Variants in AATK observed in about 807,000 individuals in gnomAD.
AATK encodes lemur tail kinase 1, also known as serine/threonine-protein kinase LMTK1.
Under a neutral mutation model 114.3 loss-of-function variants are expected in AATK, and 91 were observed. That is an observed-to-expected ratio of 0.80 (90% confidence interval 0.67 to 0.95). The LOEUF (loss-of-function observed/expected upper bound fraction) is 0.95. Among genes scored for constraint, AATK ranks in the 40% least tolerant of loss-of-function variants. The probability of loss-of-function intolerance (pLI) is 0.00; values close to 1 mark genes in which losing one functional copy is unlikely to be tolerated. For missense variants in AATK, 2,176 were observed against 1,965.2 expected, an observed-to-expected ratio of 1.11 and a Z score of -2.03; for synonymous variants, 1,075 against 916.5, an observed-to-expected ratio of 1.17 and a Z score of -3.12.
intron 1 of AATK, among the ~76,000 whole-genome samples, chr17:81,148,181 G>A (rs541920603): frequency 4.6e-5 from 7 of 152,020 alleles, no homozygotes; most frequent in Admixed American, 2.6e-4. Flanking sequence ...GTACTTGCAC[G>A]TTTTCTACAA....
Position 81,122,494 on chromosome 17 carries a change from C to T in AATK, c.1442G>A (p.Trp481Ter). 1 of 1,467,592 alleles carries T rather than the reference C, an allele frequency of 6.8e-7. No homozygotes were observed. Among genetic ancestry groups the T allele is most frequent in the Non-Finnish European group, 9.1e-7 (1 of 1,104,952 alleles). 90.9% of individuals were successfully genotyped at this position (1,467,592 alleles called of 1,614,324 possible). Residue 481 changes from tryptophan to a stop codon, truncating the protein, a stop_gained, in exon 11 of 14, where the codon TGG (tryptophan) becomes TAG (stop). Coordinates refer to ENST00000326724, the MANE Select transcript of AATK (RefSeq NM_001080395.3). LOFTEE classifies it high-confidence loss of function. ...GGCCTCCGCGCCGCGGCCCGCCTCC[C>T]ACTTGTACTCAAAATTGAGGCCTCG... ...TSRGLNFEYK[W>*]EAGRGAEAFP...
chr17:81,164,695 T>A (rs1319412579), intron 1 of AATK, among the ~76,000 whole-genome samples: 1 of 152,126 alleles, frequency 6.6e-6, no homozygotes, highest in Non-Finnish European at 1.5e-5. Context: ...CATGGAGATG[T>A]GATGAGGACC....
chr17:81,142,867 T>G (rs991093487), intron 1 of AATK, among the ~76,000 whole-genome samples: 1 of 149,888 alleles, frequency 6.7e-6, no homozygotes, highest in Non-Finnish European at 1.5e-5. Context: ...GGACGCATCA[T>G]CGGCGTGACC....
intron 2 of AATK, among the ~76,000 whole-genome samples, chr17:81,132,470 G>A (rs960207509): frequency 2.0e-5 from 3 of 152,234 alleles, no homozygotes; most frequent in Admixed American, 6.5e-5. Context: ...GCCACTCAGG[G>A]ATGGGGGACG....
At chr17:81,165,859 G>C in intron 1 of AATK, 79 bp downstream of exon 1, 1 of 1,533,440 alleles carries the variant, frequency 6.5e-7, no homozygotes, top group South Asian at 1.2e-5. Flanking sequence ...CATGCAAACC[G>C]GGAGCCGTGG....
At chr17:81,120,144 C>G in intron 11 of AATK, 57 bp downstream of exon 11, 1 of 1,512,612 alleles carries the variant, frequency 6.6e-7, no homozygotes, top group Non-Finnish European at 8.9e-7. Flanking sequence ...GCTCCCACCC[C>G]TTCCTGCGGG....
At chr17:81,132,853 G>A (rs923689995) in intron 2 of AATK, 9 of 238,896 alleles carry the variant, frequency 3.8e-5, no homozygotes, top group East Asian at 1.5e-4. Context: ...GGAATGTTCC[G>A]GGCACCATGT....
chr17:81,147,312 G>C (rs1202068209), intron 1 of AATK, among the ~76,000 whole-genome samples: 1 of 143,702 alleles, frequency 7.0e-6, no homozygotes, highest in Non-Finnish European at 1.5e-5. Context: ...AGTGAGCTGA[G>C]ATCTCACCAC....
chr17:81,119,189 TGAGGGCCAGGC>T lies in AATK; in HGVS notation c.4084+180_4084+190del, dbSNP rs1215173335. ...AGGTGAGGGTCAGGTGAGGGTCAGG[TGAGGGCCAGGC>T]GAGGGCCAGGCGGGGTCCAGGCTAG... On this transcript the variant is annotated intron_variant, in intron 13 of 13. Coordinates refer to ENST00000326724, the MANE Select transcript of AATK (RefSeq NM_001080395.3). Among the ~76,000 whole-genome samples, 139 of 85,290 alleles carry T rather than the reference TGAGGGCCAGGC, an allele frequency of 1.6e-3. 1 individual carries two copies. Among genetic ancestry groups the T allele is most frequent in the East Asian group, 0.013 (35 of 2,788 alleles). The allele number at this position is 85,290 out of a possible 152,430, so 56.0% of individuals were successfully genotyped here.
At chr17:81,119,280 G>T in intron 13 of AATK, 100 bp downstream of exon 13, 1 of 1,276,806 alleles carries the variant, frequency 7.8e-7, no homozygotes, top group Non-Finnish European at 1.0e-6. Context: ...GCGGAGCCGG[G>T]GCTGGCCCGG....
Position 81,126,542 on chromosome 17 carries a change from G to A in AATK, c.640C>T (p.Leu214=), listed in dbSNP as rs780245245. Residue 214 remains leucine, a synonymous_variant, in exon 7 of 14, where the codon CTG becomes TTG. Transcript: ENST00000326724. The surrounding 1 kb of genome is among the most constrained non-coding windows in gnomAD (Gnocchi z 5.1). ...FCPLGDLKGY[L]RSCRVAESMA... is the part of the protein sequence containing the mutation. ...GACTCCGCCACCCGGCAGCTCCGCAGGTAGCCCTTGAGGTCCCCCTGCAGA... is the reference window on the plus strand; with the variant it reads ...GACTCCGCCACCCGGCAGCTCCGCAAGTAGCCCTTGAGGTCCCCCTGCAGA... 3.2e-6 allele frequency: 5 copies of A among 1,547,034 alleles called. No homozygotes were observed. The highest frequency in any genetic ancestry group is 2.5e-5 in the East Asian group (1 of 40,796).
chr17:81,155,837 C>T (rs1374525551), intron 1 of AATK, among the ~76,000 whole-genome samples: 1 of 151,900 alleles, frequency 6.6e-6, no homozygotes, highest in Non-Finnish European at 1.5e-5. Context: ...AGGTGTGTAC[C>T]ACCATGCCTG....
chr17:81,157,647 T>G (rs1358402702), intron 1 of AATK, among the ~76,000 whole-genome samples: 1 of 152,138 alleles, frequency 6.6e-6, no homozygotes, highest in African/African-American at 2.4e-5. Context: ...GTCCCCTCTG[T>G]TGACACAACA....
At position 81,122,612 on chromosome 17, in the gene AATK, C is replaced by T. The variant is rs1474855006; in HGVS notation, c.1324G>A (p.Ala442Thr). The change falls in exon 11 of 14, where the codon GCC (alanine) becomes ACC (threonine). Residue 442 changes from alanine (A) to threonine (T), a missense_variant. Ala to Thr is a moderately conservative substitution (Grantham distance 58). This residue lies in a region of AATK where 1,701 missense variants were observed against 1,394.7 expected (regional missense o/e 1.22). Transcript: ENST00000326724. ...AGCAGCGGGAAGGACGAGGCAGCGG[C>T]GAGCTCCACCACGCCGCCCAGCATG... ...GPMLGGVVELAAASSFPLLEQ... is the reference protein window; with the variant it reads ...GPMLGGVVELTAASSFPLLEQ... 14 of 1,421,636 alleles carry T rather than the reference C, an allele frequency of 9.8e-6. No homozygotes were observed. The highest frequency in any genetic ancestry group is 1.3e-5 in the Non-Finnish European group (14 of 1,077,218). 88.1% of individuals were successfully genotyped at this position (1,421,636 alleles called of 1,614,324 possible).
chr17:81,165,996 C>A lies in AATK; in HGVS notation c.-4G>T, dbSNP rs1483963349. 1 of 1,566,486 alleles carries A rather than the reference C, an allele frequency of 6.4e-7. No homozygotes were observed. The highest frequency in any genetic ancestry group is 8.6e-7 in the Non-Finnish European group (1 of 1,159,036). On this transcript the variant is annotated 5_prime_UTR_variant, in exon 1 of 14. Coordinates refer to ENST00000326724, the MANE Select transcript of AATK (RefSeq NM_001080395.3). ...GGTTGAAGAAGGACGACGACATGGC[C>A]GGGCCAGCGGCCGGCGGGCATCCCG...
chr17:81,122,595 G>T lies in AATK; in HGVS notation c.1341C>A (p.Phe447Leu). The T allele has an allele frequency of 6.9e-7, 1 of 1,439,414 alleles. No individual in the cohort carries two copies. The allele number at this position is 1,439,414 out of a possible 1,614,324, so 89.2% of individuals were successfully genotyped here. A position where few individuals can be genotyped will look rare whatever the true frequency, so the allele number is the denominator to read the frequency against. ...GVVELAAASS[F>L]PLLEQFAGDG... ...CGCCCGCGAACTGCTCCAGCAGCGG[G>T]AAGGACGAGGCAGCGGCGAGCTCCA... The change falls in exon 11 of 14, where the codon TTC (phenylalanine) becomes TTA (leucine). Residue 447 changes from phenylalanine (F) to leucine (L), a missense_variant. Coordinates refer to ENST00000326724, the MANE Select transcript of AATK (RefSeq NM_001080395.3).
chr17:81,119,178 T>C (rs28582026), intron 13 of AATK, among the ~76,000 whole-genome samples: 1,297 of 75,362 alleles, frequency 0.017, 6 homozygotes, highest in Middle Eastern at 0.037. Context: ...GAGGGTCAGG[T>C]GAGGGTCAGG....
chr17:81,163,529 C>A (rs1449379485), intron 1 of AATK, among the ~76,000 whole-genome samples: 1 of 152,242 alleles, frequency 6.6e-6, no homozygotes, highest in Non-Finnish European at 1.5e-5. Context: ...CCACACAGCA[C>A]AGAGGCTGGA....
At chr17:81,138,945 TGCACACCCCCCACACGTGCGCGCGCAC>T (rs1189407825) in intron 1 of AATK, among the ~76,000 whole-genome samples, 1 of 146,628 alleles carries the variant, frequency 6.8e-6, no homozygotes, top group African/African-American at 2.6e-5. Flanking sequence ...CACACACACA[TGCACACCCCCCACACGTGCGCGCGCAC>T]CCACACCCAC....
Sources: gnomAD v4.1 joint callset for allele counts (sites outside exome capture counted in the v4.1 genomes callset) on GRCh38, gnomAD v4.1.1 for gene constraint, gnomAD v4.1.1 regional missense constraint, Gnocchi (gnomAD v3.1) non-coding constraint, MANE v1.5 for transcripts, NCBI Gene and HGNC (gene_info 2026-07-23, HGNC 2026-07-21) for gene names.